GLT8D1: variants seen among roughly 807,000 people sequenced by gnomAD.
GLT8D1 encodes the protein glycosyltransferase 8 domain containing 1.
In GLT8D1, 41 loss-of-function variants were observed where a neutral mutation model predicts 46.2. That is an observed-to-expected ratio of 0.89 (90% CI 0.69 to 1.15). GLT8D1 has a LOEUF of 1.15. GLT8D1 is among the 50% of genes most tolerant of loss of function. The pLI, the probability that GLT8D1 is intolerant of heterozygous loss-of-function variation, is 0.00. For missense variants in GLT8D1, 408 were observed against 449.3 expected, an observed-to-expected ratio of 0.91 and a Z score of 0.83; for synonymous variants, 150 against 154.2, an observed-to-expected ratio of 0.97 and a Z score of 0.20.
chr3:52,696,304 C>T lies in GLT8D1; in HGVS notation c.462G>A (p.Arg154=), dbSNP rs967018639. The T allele has an allele frequency of 1.2e-6, 2 of 1,608,514 alleles. No individual in the cohort carries two copies. Among genetic ancestry groups the T allele is most frequent in the Non-Finnish European group, 1.7e-6 (2 of 1,174,872 alleles). The change falls in exon 6 of 10, where the codon AGG becomes AGA. Residue 154 remains arginine, a synonymous_variant. Transcript: ENST00000266014. ...GESMKPLTFA[R]FYLPILVPSA... ...TGGGAACCAGAATTGGCAAGTAGAA[C>T]CTTGCAAAGGTTAACTGGAAAAGGA...
Position 52,696,298 on chromosome 3 carries a change from G to A in GLT8D1, c.468C>T (p.Tyr156=), listed in dbSNP as rs1271659182. 6.2e-7 allele frequency: 1 copy of A among 1,609,950 alleles called. No homozygotes were observed. The highest frequency in any genetic ancestry group is 1.7e-5 in the Admixed American group (1 of 60,026). Residue 156 remains tyrosine, a synonymous_variant, in exon 6 of 10, where the codon TAC becomes TAT. Transcript: ENST00000266014. The part of the protein sequence containing the change: ...SMKPLTFARF[Y]LPILVPSAKK... ...TTGCGCTGGGAACCAGAATTGGCAA[G>A]TAGAACCTTGCAAAGGTTAACTGGA...
chr3:52,705,244 G>T (rs1463444164), intron 1 of GLT8D1: 2 of 152,284 alleles, frequency 1.3e-5, no homozygotes, highest in African/African-American at 4.8e-5. Flanking sequence ...TATCGGGAGG[G>T]CCCAGCCTGG....
Position 52,695,294 on chromosome 3 carries a change from A to C in GLT8D1, c.821T>G (p.Leu274Arg). The change falls in exon 9 of 10, where the codon CTG (leucine) becomes CGG (arginine). Residue 274 changes from leucine (L) to arginine (R), a missense_variant. By Grantham distance (102) the Leu-to-Arg change is moderately radical (BLOSUM62 -2). Coordinates refer to ENST00000266014, the MANE Select transcript of GLT8D1 (RefSeq NM_018446.4). Reference sequence around the variant, plus strand: ...GCTACCAGCCAGGGTTCTGCTATACAGTCCCTCTCTTGGTGGGACAGAAAA... The same window carrying C: ...GCTACCAGCCAGGGTTCTGCTATACCGTCCCTCTCTTGGTGGGACAGAAAA... Reference protein sequence around the residue: ...KWMKLNVEEGLYSRTLAGSIT... With the variant: ...KWMKLNVEEGRYSRTLAGSIT... The C allele has an allele frequency of 6.2e-7, 1 of 1,609,698 alleles. No individual in the cohort carries two copies. Among genetic ancestry groups the C allele is most frequent in the Non-Finnish European group, 8.5e-7 (1 of 1,176,668 alleles).
intron 4 of GLT8D1, 50 bp downstream of exon 4, chr3:52,697,671 G>C: frequency 1.6e-6 from 2 of 1,231,984 alleles, no homozygotes; most frequent in Non-Finnish European, 2.4e-6. Context: ...TTGGCAGCTG[G>C]CCTGCTCTAA....
intron 2 of GLT8D1, 36 bp downstream of exon 2, chr3:52,700,409 G>A: frequency 6.3e-7 from 1 of 1,594,294 alleles, no homozygotes; most frequent in African/African-American, 1.3e-5. Context: ...TCTTTGACCA[G>A]GTATAAAAAC....
At chr3:52,700,854 G>A (rs2097338735) in intron 1 of GLT8D1, among the ~76,000 whole-genome samples, 2 of 152,094 alleles carry the variant, frequency 1.3e-5, no homozygotes, top group South Asian at 2.1e-4. Flanking sequence ...ATGAGGTCAG[G>A]AGTTCAAGAC....
intron 3 of GLT8D1, among the ~76,000 whole-genome samples, chr3:52,699,890 ATATAT>A (rs1202568731): frequency 6.6e-6 from 1 of 152,186 alleles, no homozygotes; most frequent in African/African-American, 2.4e-5. Flanking sequence ...ATACTGTGCG[ATATAT>A]TATACAACAC....
At chr3:52,698,634 CTG>C (rs1488640262) in intron 3 of GLT8D1, among the ~76,000 whole-genome samples, 3 of 151,400 alleles carry the variant, frequency 2.0e-5, no homozygotes, top group Admixed American at 6.6e-5. Flanking sequence ...TGAGCCAAGA[CTG>C]TACCACTGCA....
At chr3:52,699,549 CTG>C (rs1340062872) in intron 3 of GLT8D1, among the ~76,000 whole-genome samples, 1 of 152,222 alleles carries the variant, frequency 6.6e-6, no homozygotes, top group Non-Finnish European at 1.5e-5. Context: ...TCCCAAAGTG[CTG>C]AGATGGTCTC....
chr3:52,698,344 T>A (rs2097336091), intron 3 of GLT8D1, among the ~76,000 whole-genome samples: 1 of 152,038 alleles, frequency 6.6e-6, no homozygotes, highest in African/African-American at 2.4e-5. Context: ...ATTGAGTGAG[T>A]CACAATCAAT....
rs187479722 is a variant in GLT8D1, at chr3:52,695,049, C to G, written c.926-14G>C. 5.0e-6 allele frequency: 8 copies of G among 1,586,388 alleles called. No homozygotes were observed. Among genetic ancestry groups the G allele is most frequent in the Non-Finnish European group, 4.3e-6 (5 of 1,154,948 alleles). On this transcript the variant is annotated splice_polypyrimidine_tract_variant and intron_variant, in intron 9 of 9. Transcript: ENST00000266014. ...CAGCACTGGAACCTTACATTTGAGACAAAAATAGCCACATCGTTGCGCCAT... is the reference window on the plus strand; with the variant it reads ...CAGCACTGGAACCTTACATTTGAGAGAAAAATAGCCACATCGTTGCGCCAT...
intron 1 of GLT8D1, chr3:52,701,060 GTC>G (rs2097338956): frequency 1.3e-5 from 2 of 152,086 alleles, no homozygotes; most frequent in Admixed American, 6.6e-5. Flanking sequence ...GTGAGACTCT[GTC>G]TTTAAAATAA....
intron 1 of GLT8D1, 103 bp from the exon 2 acceptor site, chr3:52,700,599 G>T: frequency 1.8e-6 from 1 of 559,542 alleles, no homozygotes; most frequent in East Asian, 2.8e-5. Context: ...AGAAACAAGA[G>T]GCATATACAG....
chr3:52,696,212 C>T, intron 6 of GLT8D1, 22 bp downstream of exon 6: 2 of 1,503,514 alleles, frequency 1.3e-6, no homozygotes, highest in Admixed American at 1.7e-5. Flanking sequence ...GAGAACAGCA[C>T]TCATGGTGAC....
intron 1 of GLT8D1, among the ~76,000 whole-genome samples, chr3:52,702,827 G>A (rs2097340521): frequency 6.7e-6 from 1 of 149,154 alleles, no homozygotes; most frequent in Non-Finnish European, 1.5e-5. Context: ...GGCTCTGTCA[G>A]CCAGGCTGCA....
chr3:52,696,323 A>G lies in GLT8D1; in HGVS notation c.448-5T>C. On this transcript the variant is annotated splice_polypyrimidine_tract_variant and splice_region_variant and intron_variant, in intron 5 of 9. Coordinates refer to ENST00000266014, the MANE Select transcript of GLT8D1 (RefSeq NM_018446.4). ...GTAGAACCTTGCAAAGGTTAACTGG[A>G]AAAGGAAAGAATAATTGGCATAGGA... 6.3e-7 allele frequency: 1 copy of G among 1,592,924 alleles called. No homozygotes were observed. Among genetic ancestry groups the G allele is most frequent in the Non-Finnish European group, 8.6e-7 (1 of 1,160,632 alleles).
At position 52,701,517 on chromosome 3, in the gene GLT8D1, C is replaced by T. The variant is rs186543407; in HGVS notation, c.-36-1021G>A. On this transcript the variant is annotated intron_variant, in intron 1 of 9. Transcript: ENST00000266014. ...CCCAATAGTTGGGATTACAGGTGTG[C>T]GCCACCACGCCCAGCTAATTTTTGT... 1.2e-4 allele frequency among the ~76,000 whole-genome samples: 19 copies of T among 152,150 alleles called. No individual in the cohort carries two copies. In the East Asian group the frequency reaches 3.3e-3, roughly 26 times the overall value.
At chr3:52,699,907 G>T (rs181043991) in intron 3 of GLT8D1, among the ~76,000 whole-genome samples, 40 of 152,302 alleles carry the variant, frequency 2.6e-4, no homozygotes, top group African/African-American at 9.1e-4. Flanking sequence ...ATACAACACA[G>T]TGATTTTTAA....
rs2097331363 is a variant in GLT8D1 at position 52,694,825 on chromosome 3, C to T, written c.*20G>A. On this transcript the variant is annotated 3_prime_UTR_variant, in exon 10 of 10. Coordinates refer to ENST00000266014, the MANE Select transcript of GLT8D1 (RefSeq NM_018446.4). ...TCCAGGACTTCCTGAGAAATGCTTG[C>T]TTACAGTTCAAATTCTGTTTCACTT... 1.3e-6 allele frequency: 2 copies of T among 1,562,644 alleles called. No individual in the cohort carries two copies. Among genetic ancestry groups the T allele is most frequent in the Non-Finnish European group, 1.8e-6 (2 of 1,133,172 alleles).
Sources: gnomAD v4.1 joint callset for allele counts (sites outside exome capture counted in the v4.1 genomes callset) on GRCh38, gnomAD v4.1.1 for gene constraint, MANE v1.5 for transcripts, NCBI Gene and HGNC (gene_info 2026-07-23, HGNC 2026-07-21) for gene names.